Variants in FMN2 observed in about 807,000 individuals in gnomAD.
The protein encoded by FMN2 is formin 2.
FMN2 carries 51 observed loss-of-function variants against 142.3 expected under a neutral mutation model. The ratio of observed to expected loss-of-function variants is 0.36; its 90% confidence interval spans 0.29 to 0.45. The LOEUF is 0.45. Among genes scored for constraint, FMN2 ranks in the 20% least tolerant of loss-of-function variants. The probability of loss-of-function intolerance (pLI) is 1.00; values close to 1 mark genes in which losing one functional copy is unlikely to be tolerated. For missense variants in FMN2, 1,936 were observed against 2,122.8 expected (o/e 0.91, Z 1.73); for synonymous variants, 882 against 869.8 (o/e 1.01, Z -0.25).
intron 15 of FMN2, among the ~76,000 whole-genome samples, chr1:240,398,955 G>T (rs1482055335): frequency 6.6e-5 from 10 of 152,084 alleles, no homozygotes; most frequent in African/African-American, 2.4e-4. Context: ...CTCGGGCAAT[G>T]TATTTGTTTG....
intron 5 of FMN2, among the ~76,000 whole-genome samples, chr1:240,209,919 A>C (rs957271765): frequency 2.0e-5 from 3 of 152,054 alleles, no homozygotes; most frequent in Admixed American, 1.3e-4. Context: ...TAAGTAAGTA[A>C]GTAAATAAAT....
chr1:240,472,759 A>G (rs564690754), intron 17 of FMN2, among the ~76,000 whole-genome samples: 15 of 151,968 alleles, frequency 9.9e-5, no homozygotes, highest in Admixed American at 6.5e-4. Flanking sequence ...ATCCTGCCCA[A>G]CGTGATGAAA....
At chr1:240,104,147 G>T (rs1041708761) in intron 1 of FMN2, among the ~76,000 whole-genome samples, 3 of 150,824 alleles carry the variant, frequency 2.0e-5, no homozygotes, top group African/African-American at 7.3e-5. Context: ...CAAAGAGCTG[G>T]GATTACAGGC....
chr1:240,313,331 A>G (rs1670657714), intron 8 of FMN2, among the ~76,000 whole-genome samples: 1 of 152,238 alleles, frequency 6.6e-6, no homozygotes, highest in Admixed American at 6.5e-5. Flanking sequence ...TATGGATAAT[A>G]AATCTATATA....
chr1:240,423,514 T>C (rs946804614), intron 15 of FMN2, among the ~76,000 whole-genome samples: 9 of 152,234 alleles, frequency 5.9e-5, no homozygotes, highest in African/African-American at 2.2e-4. Flanking sequence ...ATGATCTTGG[T>C]TCTGCCTATA....
At chr1:240,180,392 A>ACT (rs1665098734) in intron 3 of FMN2, among the ~76,000 whole-genome samples, 2 of 152,044 alleles carry the variant, frequency 1.3e-5, no homozygotes, top group Non-Finnish European at 2.9e-5. Flanking sequence ...CAGTTGTAAG[A>ACT]GTGGGCATGT....
intron 6 of FMN2, among the ~76,000 whole-genome samples, chr1:240,253,825 A>G (rs1255962408): frequency 6.6e-6 from 1 of 152,200 alleles, no homozygotes; most frequent in Admixed American, 6.5e-5. Context: ...CTGGATGAAT[A>G]CAGCAGTGTA....
intron 8 of FMN2, among the ~76,000 whole-genome samples, chr1:240,318,242 T>G (rs1341810061): frequency 1.3e-5 from 2 of 152,144 alleles, no homozygotes; most frequent in East Asian, 3.9e-4. Flanking sequence ...TTGCTCCACT[T>G]CATAGCGCTG....
rs1232005978 is a variant in FMN2 at position 240,303,931 on chromosome 1, A to G, written c.4215+9048A>G. Among the ~76,000 whole-genome samples the G allele has an allele frequency of 1.3e-4, 20 of 151,964 alleles. 1 individual carries two copies. Among genetic ancestry groups the G allele is most frequent in the Admixed American group, 1.0e-3 (16 of 15,254 alleles). ...ATGGATTCATTCTTTTGCTTCCTCAAATCCGTCTTTAAATTCTCTTTGTGC... is the reference window on the plus strand; with the variant it reads ...ATGGATTCATTCTTTTGCTTCCTCAGATCCGTCTTTAAATTCTCTTTGTGC... On this transcript the variant is annotated intron_variant, in intron 8 of 17. Transcript: ENST00000319653.
At chr1:240,286,976 C>A (rs1558412845) in intron 7 of FMN2, among the ~76,000 whole-genome samples, 2 of 152,102 alleles carry the variant, frequency 1.3e-5, no homozygotes, top group Non-Finnish European at 2.9e-5. Flanking sequence ...ACTGTCAGCT[C>A]TTCTAGATGG....
intron 2 of FMN2, among the ~76,000 whole-genome samples, chr1:240,133,510 C>G (rs565248468): frequency 6.6e-6 from 1 of 152,228 alleles, no homozygotes; most frequent in African/African-American, 2.4e-5. Context: ...TAAACTCCAG[C>G]TTCTTTGGAT....
intron 1 of FMN2, among the ~76,000 whole-genome samples, chr1:240,113,860 A>G (rs1241860900): frequency 2.0e-5 from 3 of 152,212 alleles, no homozygotes; most frequent in Non-Finnish European, 4.4e-5. Context: ...ACTCTTTAAT[A>G]AACTGTGTTC....
At chr1:240,171,213 C>T in intron 2 of FMN2, 1 of 785,638 alleles carries the variant, frequency 1.3e-6, no homozygotes, top group Non-Finnish European at 2.3e-6. Flanking sequence ...TTGTGACTCA[C>T]AATCTGTCTT....
intron 7 of FMN2, among the ~76,000 whole-genome samples, chr1:240,262,325 T>C (rs1387739665): frequency 1.3e-5 from 2 of 152,162 alleles, no homozygotes; most frequent in East Asian, 1.9e-4. Context: ...CTCTTCATTT[T>C]GTTTAGCATG....
intron 2 of FMN2, among the ~76,000 whole-genome samples, chr1:240,156,140 A>T (rs1171841587): frequency 6.6e-6 from 1 of 152,110 alleles, no homozygotes; most frequent in Non-Finnish European, 1.5e-5. Flanking sequence ...AGTCCCAGCT[A>T]CTAGGAAGGC....
chr1:240,194,411 G>T (rs939665499), intron 4 of FMN2, among the ~76,000 whole-genome samples: 1 of 152,186 alleles, frequency 6.6e-6, no homozygotes, highest in Admixed American at 6.5e-5. Context: ...CAACTATTGC[G>T]CTAGGGAAGA....
intron 6 of FMN2, among the ~76,000 whole-genome samples, chr1:240,244,954 G>A (rs996229603): frequency 6.6e-6 from 1 of 152,196 alleles, no homozygotes; most frequent in Non-Finnish European, 1.5e-5. Context: ...CAATCATTGT[G>A]CTGAGTACTA....
rs116299044 is a variant in FMN2 at position 240,309,071 on chromosome 1, A to G, written c.4215+14188A>G. Among the ~76,000 whole-genome samples the G allele has an allele frequency of 6.7e-3, 1,015 of 152,276 alleles. 11 individuals are homozygous for G. Among genetic ancestry groups the G allele is most frequent in the African/African-American group, 0.023 (963 of 41,540 alleles). On this transcript the variant is annotated intron_variant, in intron 8 of 17. Transcript: ENST00000319653. Reference sequence around the variant, plus strand: ...GTCTAACAGTATGGGTTCAATTGGGACATAAACCACAGACTAATATAAGCA... The same window carrying G: ...GTCTAACAGTATGGGTTCAATTGGGGCATAAACCACAGACTAATATAAGCA...
chr1:240,386,406 T>A (rs1028457374), intron 14 of FMN2, among the ~76,000 whole-genome samples: 3 of 152,172 alleles, frequency 2.0e-5, no homozygotes, highest in African/African-American at 7.2e-5. Flanking sequence ...GACAAACAGA[T>A]GAAAGGGTTC....
Sources: gnomAD v4.1 joint callset for allele counts (sites outside exome capture counted in the v4.1 genomes callset) on GRCh38, gnomAD v4.1.1 for gene constraint, MANE v1.5 for transcripts, NCBI Gene and HGNC (gene_info 2026-07-23, HGNC 2026-07-21) for gene names.